GNG12: variants seen among roughly 807,000 people sequenced by gnomAD.
The protein encoded by GNG12 is guanine nucleotide-binding protein G(I)/G(S)/G(O) subunit gamma-12.
For missense variants in GNG12, 69 were observed against 83.8 expected (o/e 0.82, Z 0.69); for synonymous variants, 28 against 29.7 (o/e 0.94, Z 0.19).
chr1:67,727,848 T>C (rs1313982456), intron 2 of GNG12, among the ~76,000 whole-genome samples: 1 of 152,230 alleles, frequency 6.6e-6, no homozygotes, highest in African/African-American at 2.4e-5. Context: ...CATGAACCTG[T>C]TGAATTTAGC....
intron 2 of GNG12, among the ~76,000 whole-genome samples, chr1:67,766,251 G>A (rs1207095384): frequency 1.3e-5 from 2 of 152,074 alleles, no homozygotes; most frequent in Admixed American, 6.5e-5. Context: ...AAATGCCCTT[G>A]AGGGCTCATT....
chr1:67,769,548 G>A (rs933434608), intron 2 of GNG12, among the ~76,000 whole-genome samples: 1 of 152,158 alleles, frequency 6.6e-6, no homozygotes, highest in African/African-American at 2.4e-5. Context: ...CTCAGATCAA[G>A]AGAAACTATG....
At chr1:67,779,297 A>C (rs1646723984) in intron 1 of GNG12, among the ~76,000 whole-genome samples, 2 of 152,302 alleles carry the variant, frequency 1.3e-5, no homozygotes, top group Admixed American at 6.5e-5. Flanking sequence ...CTTTCTGCCA[A>C]ATCACAGAGA....
chr1:67,738,268 T>G (rs1232568383), intron 2 of GNG12, among the ~76,000 whole-genome samples: 2 of 152,174 alleles, frequency 1.3e-5, no homozygotes, highest in Non-Finnish European at 2.9e-5. Flanking sequence ...AGATTTCAAT[T>G]TTTTTTGTTT....
At chr1:67,800,767 T>A (rs1236805142) in intron 1 of GNG12, among the ~76,000 whole-genome samples, 1 of 152,238 alleles carries the variant, frequency 6.6e-6, no homozygotes, top group Non-Finnish European at 1.5e-5. Flanking sequence ...TCTGTTTTTG[T>A]AACATCATTC....
chr1:67,723,448 A>G (rs1280623286), intron 2 of GNG12, among the ~76,000 whole-genome samples: 1 of 152,240 alleles, frequency 6.6e-6, no homozygotes, highest in African/African-American at 2.4e-5. Flanking sequence ...AAGAAAACAG[A>G]AGAATGTACT....
intron 2 of GNG12, among the ~76,000 whole-genome samples, chr1:67,752,523 C>G (rs1261015075): frequency 6.6e-6 from 1 of 152,188 alleles, no homozygotes; most frequent in Non-Finnish European, 1.5e-5. Context: ...GAGGTTGCCT[C>G]TTTTCCTCTT....
intron 2 of GNG12, among the ~76,000 whole-genome samples, chr1:67,754,141 C>T (rs1175586584): frequency 2.0e-5 from 3 of 152,138 alleles, no homozygotes; most frequent in Non-Finnish European, 2.9e-5. Flanking sequence ...CATCTCTCCT[C>T]ACCTCCAACT....
intron 2 of GNG12, among the ~76,000 whole-genome samples, chr1:67,736,746 T>G (rs763377767): frequency 6.6e-6 from 1 of 151,888 alleles, no homozygotes; most frequent in Non-Finnish European, 1.5e-5. Context: ...AGGGACTGAG[T>G]TGGGGGATGA....
At chr1:67,735,369 C>A (rs1442343320) in intron 2 of GNG12, among the ~76,000 whole-genome samples, 10 of 152,306 alleles carry the variant, frequency 6.6e-5, no homozygotes, top group African/African-American at 2.4e-4. Flanking sequence ...TTCCGAGGAA[C>A]ATCTCATGAG....
chr1:67,738,082 C>T (rs766657595), intron 2 of GNG12, among the ~76,000 whole-genome samples: 2 of 151,910 alleles, frequency 1.3e-5, no homozygotes, highest in African/African-American at 4.8e-5. Flanking sequence ...GACAGGTGTG[C>T]GCCACCATGT....
chr1:67,755,831 C>T (rs17130239), intron 2 of GNG12, among the ~76,000 whole-genome samples: 1,757 of 152,052 alleles, frequency 0.012, 40 homozygotes, highest in African/African-American at 0.04. Flanking sequence ...CAGTAATTAC[C>T]GACAAATAGT....
chr1:67,744,008 C>A (rs11804047), intron 2 of GNG12, among the ~76,000 whole-genome samples: 1 of 151,946 alleles, frequency 6.6e-6, no homozygotes, highest in Non-Finnish European at 1.5e-5. Context: ...TGTGTGTGTG[C>A]GTGGGGAAGA....
intron 2 of GNG12, among the ~76,000 whole-genome samples, chr1:67,737,477 G>T (rs1320061765): frequency 6.6e-6 from 1 of 152,132 alleles, no homozygotes; most frequent in Admixed American, 6.5e-5. Context: ...GTCTATCTAG[G>T]TTCAGCTGTT....
In GNG12 at chr1:67,701,821, A is replaced by G. The variant is rs1048625887; in HGVS notation, c.*3630T>C. On this transcript the variant is annotated 3_prime_UTR_variant, in exon 4 of 4. Coordinates refer to ENST00000370982, the MANE Select transcript of GNG12 (RefSeq NM_018841.6). ...TTATTACAGTAACCAAGTCCATAAAACTAGAAAAAAAGCACTGTATAACAA... is the reference window on the plus strand; with the variant it reads ...TTATTACAGTAACCAAGTCCATAAAGCTAGAAAAAAAGCACTGTATAACAA... 3 of 152,662 alleles carry G rather than the reference A, an allele frequency of 2.0e-5. No homozygotes were observed. The highest frequency in any genetic ancestry group is 7.2e-5 in the African/African-American group (3 of 41,462). 9.5% of individuals were successfully genotyped at this position (152,662 alleles called of 1,614,324 possible).
At chr1:67,803,237 G>T (rs1646876667) in intron 1 of GNG12, among the ~76,000 whole-genome samples, 1 of 152,058 alleles carries the variant, frequency 6.6e-6, no homozygotes, top group Admixed American at 6.6e-5. Context: ...TAGTTGGTTG[G>T]GCACAGTGGC....
At chr1:67,736,884 C>T (rs557740736) in intron 2 of GNG12, among the ~76,000 whole-genome samples, 1 of 152,254 alleles carries the variant, frequency 6.6e-6, no homozygotes, top group South Asian at 2.1e-4. Context: ...TGTGCAAGCA[C>T]CAAATGTGTG....
chr1:67,761,288 C>T (rs1207270358), intron 2 of GNG12, among the ~76,000 whole-genome samples: 2 of 152,214 alleles, frequency 1.3e-5, no homozygotes, highest in Non-Finnish European at 2.9e-5. Flanking sequence ...TCTTCACAAC[C>T]TATGAGACAG....
At chr1:67,759,646 A>G (rs1646590902) in intron 2 of GNG12, among the ~76,000 whole-genome samples, 1 of 152,210 alleles carries the variant, frequency 6.6e-6, no homozygotes, top group African/African-American at 2.4e-5. Flanking sequence ...CCTTATACAT[A>G]GTAAGTGTGC....
Sources: allele counts gnomAD v4.1 joint callset (sites outside exome capture counted in the v4.1 genomes callset), GRCh38; gene constraint gnomAD v4.1.1; transcripts MANE v1.5; gene names NCBI Gene and HGNC (gene_info 2026-07-23, HGNC 2026-07-21).